ADAMTSL4: variants seen among roughly 807,000 people sequenced by gnomAD.
ADAMTSL4 encodes the protein ADAMTS-like protein 4.
A neutral mutation model predicts 122.8 loss-of-function variants in ADAMTSL4; 97 were observed. The ratio of observed to expected loss-of-function variants is 0.79; its 90% CI spans 0.67 to 0.93. The LOEUF (loss-of-function observed/expected upper bound fraction) is 0.93. ADAMTSL4 is among the 40% of genes least tolerant of loss of function. The pLI, the probability that ADAMTSL4 is intolerant of heterozygous loss-of-function variation, is 0.00. For missense variants in ADAMTSL4, 1,408 were observed against 1,453.5 expected (o/e 0.97, Z 0.51); for synonymous variants, 592 against 568.0 (o/e 1.04, Z -0.60).
Position 150,559,506 on chromosome 1 carries a change from G to A in ADAMTSL4, c.2943+40G>A. 5 of 1,610,528 alleles carry A rather than the reference G, an allele frequency of 3.1e-6. No homozygotes were observed. The South Asian group carries it at 4.4e-5, about 14-fold the overall frequency. ...GCGCTGTCCTGCCCTGCTCAGCCTG[G>A]GCCCCTAGGGGAGGGGAGCTCCTCT... is the stretch of plus-strand genomic sequence containing the variant. On this transcript the variant is annotated intron_variant, in intron 17 of 18. Transcript: ENST00000271643. The surrounding 1 kb of genome is among the most constrained non-coding windows in gnomAD (Gnocchi z 4.1).
chr1:150,555,723 ACACACACACG>A (rs976420473), intron 8 of ADAMTSL4, among the ~76,000 whole-genome samples, 158 bp downstream of exon 8: 58 of 149,596 alleles, frequency 3.9e-4, no homozygotes, highest in Admixed American at 1.6e-3. Flanking sequence ...ACACACGCAC[ACACACACACG>A]CACACACACG....
chr1:150,554,491 G>A lies in ADAMTSL4; in HGVS notation c.1234+24G>A, dbSNP rs771381358. 12 of 1,613,608 alleles carry A rather than the reference G, an allele frequency of 7.4e-6. No homozygotes were observed. Among genetic ancestry groups the A allele is most frequent in the Non-Finnish European group, 1.0e-5 (12 of 1,179,748 alleles). On this transcript the variant is annotated intron_variant, in intron 7 of 18. Transcript: ENST00000271643. This position sits in a 1 kb window ranked among gnomAD's most constrained non-coding sequence, Gnocchi z 4.0. The stretch of plus-strand genomic sequence containing the variant: ...AGGTGAGGTTTCTTGCTCACCCCTG[G>A]GCAGTGGTGGCTTGGAATTGGGGAT...
Position 150,553,798 on chromosome 1 carries a change from A to T in ADAMTSL4, c.807A>T (p.Leu269Phe), listed in dbSNP as rs1234311771. 1 of 1,613,826 alleles carries T rather than the reference A, an allele frequency of 6.2e-7. No individual in the cohort carries two copies. The highest frequency in any genetic ancestry group is 1.7e-5 in the Admixed American group (1 of 59,998). ...GTEPPSPTHSLGEGGFFRASP... is the reference protein window; with the variant it reads ...GTEPPSPTHSFGEGGFFRASP... The stretch of plus-strand genomic sequence containing the variant: ...AGCCCCCCTCACCCACGCACTCCTT[A>T]GGAGAAGGTGGCTTCTTCCGTGCAT... The change falls in exon 6 of 19, where the codon TTA (leucine) becomes TTT (phenylalanine). Residue 269 changes from leucine (L) to phenylalanine (F), a missense_variant. Transcript: ENST00000271643.
At position 150,553,241 on chromosome 1, in the gene ADAMTSL4, G is replaced by C. The variant is rs764682655; in HGVS notation, c.422G>C (p.Arg141Pro). The change falls in exon 5 of 19, where the codon CGA becomes CCA. Residue 141 changes from arginine (R) to proline (P), a missense_variant. Arg to Pro is a moderately radical substitution (Grantham distance 103). Transcript: ENST00000271643. ...HLGREETQEIRAARRSRLRDP... is the reference protein window; with the variant it reads ...HLGREETQEIPAARRSRLRDP... ...GGGAGAGAGGAGACCCAGGAGATTCGAGCGGCCAGGAGGTGAGAGGCCTGG... is the reference window on the plus strand; with the variant it reads ...GGGAGAGAGGAGACCCAGGAGATTCCAGCGGCCAGGAGGTGAGAGGCCTGG... The C allele has an allele frequency of 1.2e-6, 2 of 1,608,790 alleles. No homozygotes were observed. Among genetic ancestry groups the C allele is most frequent in the Non-Finnish European group, 1.7e-6 (2 of 1,177,578 alleles).
chr1:150,560,028 C>G (rs1210751361), intron 18 of ADAMTSL4, 32 bp from the exon 19 acceptor site: 1 of 1,613,948 alleles, frequency 6.2e-7, no homozygotes, highest in African/African-American at 1.3e-5. Flanking sequence ...CCTGGTGACT[C>G]TCTTGTGCCC....
chr1:150,557,367 G>A (rs767915813), intron 12 of ADAMTSL4, 32 bp downstream of exon 12: 17 of 1,602,670 alleles, frequency 1.1e-5, no homozygotes, highest in East Asian at 4.5e-5. Context: ...CCCGCATCTC[G>A]GTCCAAACCC....
intron 2 of ADAMTSL4, chr1:150,551,131 A>G (rs1431329563): frequency 7.7e-6 from 3 of 388,860 alleles, no homozygotes; most frequent in Admixed American, 5.8e-5. Context: ...CCAGTGTTCA[A>G]AGCTGAACTT....
In ADAMTSL4 at chr1:150,559,918, CT is replaced by C. The variant is rs1260389473; in HGVS notation, c.3088+14del. 3 of 1,613,716 alleles carry C rather than the reference CT, an allele frequency of 1.9e-6. No individual in the cohort carries two copies. The highest frequency in any genetic ancestry group is 2.5e-6 in the Non-Finnish European group (3 of 1,180,018). ...AGCCAGCGCCCTGGTAAAGAGCCCC[CT>C]CTCCCCAATCCCCAATACAGTGGAT... On this transcript the variant is annotated intron_variant, in intron 18 of 18. Coordinates refer to ENST00000271643, the MANE Select transcript of ADAMTSL4 (RefSeq NM_019032.6). The surrounding 1 kb of genome is among the most constrained non-coding windows in gnomAD (Gnocchi z 4.1).
chr1:150,558,174 G>A, intron 14 of ADAMTSL4, 25 bp downstream of exon 14: 1 of 1,612,964 alleles, frequency 6.2e-7, no homozygotes, highest in Non-Finnish European at 8.5e-7. Context: ...GCAAGGAGGT[G>A]CTGGGGAGGG....
Position 150,554,131 on chromosome 1 carries a change from C to T in ADAMTSL4, c.1131+9C>T. ...GAGCCTGCAGCCAAGCGGTGAGTCT[C>T]CTCGGGCCTCCCCTCCCAACCCCGA... is the stretch of plus-strand genomic sequence containing the variant. On this transcript the variant is annotated intron_variant, in intron 6 of 18. Coordinates refer to ENST00000271643, the MANE Select transcript of ADAMTSL4 (RefSeq NM_019032.6). The surrounding 1 kb of genome is among the most constrained non-coding windows in gnomAD (Gnocchi z 4.0). 6.3e-7 allele frequency: 1 copy of T among 1,598,458 alleles called. No homozygotes were observed. Among genetic ancestry groups the T allele is most frequent in the Non-Finnish European group, 8.5e-7 (1 of 1,179,882 alleles).
intron 2 of ADAMTSL4, chr1:150,550,403 CTCACG>C (rs1399997698): frequency 2.3e-6 from 1 of 436,646 alleles, no homozygotes; most frequent in Non-Finnish European, 4.6e-6. Context: ...GCCCCGGGAG[CTCACG>C]TCACCCCCAC....
chr1:150,556,977 G>A lies in ADAMTSL4; in HGVS notation c.1788G>A (p.Gln596=). 1 of 1,614,084 alleles carries A rather than the reference G, an allele frequency of 6.2e-7. No homozygotes were observed. Among genetic ancestry groups the A allele is most frequent in the South Asian group, 1.1e-5 (1 of 91,082 alleles). Residue 596 remains glutamine (Q), a synonymous_variant, in exon 11 of 19, where the codon CAG becomes CAA. Coordinates refer to ENST00000271643, the MANE Select transcript of ADAMTSL4 (RefSeq NM_019032.6). The surrounding 1 kb of genome is among the most constrained non-coding windows in gnomAD (Gnocchi z 4.1). ...AGGAAAACCCAGGCGTTTTTTATCA[G>A]TATGTCATCTCTTCACCTCCTCCAA... ...FQEENPGVFY[Q]YVISSPPPIL... is the part of the protein sequence containing the mutation.
At position 150,557,219 on chromosome 1, in the gene ADAMTSL4, G is replaced by A. The variant is rs776856583; in HGVS notation, c.1931G>A (p.Arg644His). ...RPARTPGTLQ[R>H]QVRIPQMPAP... ...GCCCGGACCCCAGGCACCCTCCAGCGTCAGGTGCGGATCCCCCAGATGCCC... is the reference window on the plus strand; with the variant it reads ...GCCCGGACCCCAGGCACCCTCCAGCATCAGGTGCGGATCCCCCAGATGCCC... The change falls in exon 12 of 19, where the codon CGT (arginine) becomes CAT (histidine). Residue 644 changes from arginine to histidine, a missense_variant. Transcript: ENST00000271643. The A allele has an allele frequency of 1.1e-5, 18 of 1,611,764 alleles. No homozygotes were observed. The highest frequency in any genetic ancestry group is 2.2e-5 in the South Asian group (2 of 91,014).
rs1671604400 is a variant in ADAMTSL4 at position 150,553,106 on chromosome 1, T to C, written c.287T>C (p.Leu96Pro). The C allele has an allele frequency of 6.3e-7, 1 of 1,583,912 alleles. No homozygotes were observed. Among genetic ancestry groups the C allele is most frequent in the Non-Finnish European group, 8.6e-7 (1 of 1,161,280 alleles). Residue 96 changes from leucine to proline, a missense_variant, in exon 5 of 19, where the codon CTC (leucine) becomes CCC (proline). By Grantham distance (98) the Leu-to-Pro change is moderately conservative (BLOSUM62 -3). Transcript: ENST00000271643. ...CCCCCAAGACATCCAGAAGCCCTCCTCCCCCGGGGCCAGGGTCCCAGACCC... is the reference window on the plus strand; with the variant it reads ...CCCCCAAGACATCCAGAAGCCCTCCCCCCCCGGGGCCAGGGTCCCAGACCC... ...PRPPRHPEAL[L>P]PRGQGPRPQT...
Position 150,557,513 on chromosome 1 carries a change from C to G in ADAMTSL4, c.2067C>G (p.Phe689Leu). Residue 689 changes from phenylalanine to leucine, a missense_variant, in exon 13 of 19, where the codon TTC (phenylalanine) becomes TTG (leucine). Transcript: ENST00000271643. Reference sequence around the variant, plus strand: ...ACTCAGGTGTCTGGCGCCCCATTTTCCTCTGCATCTCCCGTGAGTCGGGAG... The same window carrying G: ...ACTCAGGTGTCTGGCGCCCCATTTTGCTCTGCATCTCCCGTGAGTCGGGAG... ...SCGKGVWRPIFLCISRESGEE... is the reference protein window; with the variant it reads ...SCGKGVWRPILLCISRESGEE... 1 of 1,612,996 alleles carries G rather than the reference C, an allele frequency of 6.2e-7. No individual in the cohort carries two copies.
chr1:150,554,212 T>C lies in ADAMTSL4; in HGVS notation c.1131+90T>C, dbSNP rs1281742354. ...GGGTCTTCAGCTTCCGCTTGGCACC[T>C]GAGGGAGAAGGGCCTTGGCATCTGA... On this transcript the variant is annotated intron_variant, in intron 6 of 18. Coordinates refer to ENST00000271643, the MANE Select transcript of ADAMTSL4 (RefSeq NM_019032.6). This position sits in a 1 kb window ranked among gnomAD's most constrained non-coding sequence, Gnocchi z 4.0. The C allele has an allele frequency of 2.0e-5, 31 of 1,513,896 alleles. No individual in the cohort carries two copies. Among genetic ancestry groups the C allele is most frequent in the African/African-American group, 2.7e-5 (2 of 73,080 alleles). The allele number at this position is 1,513,896 out of a possible 1,614,324, so 93.8% of individuals were successfully genotyped here.
chr1:150,550,701 A>G, intron 2 of ADAMTSL4: 1 of 455,536 alleles, frequency 2.2e-6, no homozygotes, highest in South Asian at 1.6e-5. Flanking sequence ...CCGTTCAGTC[A>G]GGGTGGAGTT....
rs11204664 is a variant in ADAMTSL4, at chr1:150,558,904, T to C, written c.2560-58T>C. ...GATGCGTCCCTCCCTGCCCCCCTAC[T>C]GTCCCTTGTGCCAGTCACCAGCAGG... On this transcript the variant is annotated intron_variant, in intron 15 of 18. Transcript: ENST00000271643. 0.57 allele frequency: 885,729 copies of C among 1,551,194 alleles called. 255,235 individuals are homozygous for C. Among genetic ancestry groups the C allele is most frequent in the East Asian group, 0.67 (28,159 of 42,118 alleles).
At chr1:150,558,373 C>T in intron 14 of ADAMTSL4, 100 bp from the exon 15 acceptor site, 4 of 1,576,748 alleles carry the variant, frequency 2.5e-6, no homozygotes, top group Non-Finnish European at 3.4e-6. Flanking sequence ...GACTGCTGGG[C>T]TGGGGATCGA....
Sources: gnomAD v4.1 joint callset for allele counts (sites outside exome capture counted in the v4.1 genomes callset) on GRCh38, gnomAD v4.1.1 for gene constraint, Gnocchi (gnomAD v3.1) non-coding constraint, MANE v1.5 for transcripts, NCBI Gene and HGNC (gene_info 2026-07-23, HGNC 2026-07-21) for gene names.